FLT1: variants seen among roughly 807,000 people sequenced by gnomAD.
The protein encoded by FLT1 is vascular endothelial growth factor receptor 1.
Under a neutral mutation model 156.3 loss-of-function variants are expected in FLT1, and 49 were observed. The observed-to-expected ratio is 0.31, with a 90% CI of 0.25 to 0.40. The LOEUF (loss-of-function observed/expected upper bound fraction) is 0.40, where lower values mean the gene tolerates loss of function less well. FLT1 is among the 10% of genes least tolerant of loss of function. The probability of loss-of-function intolerance (pLI) is 1.00; values close to 1 mark genes in which losing one functional copy is unlikely to be tolerated. For missense variants in FLT1, 1,322 were observed against 1,637.2 expected (o/e 0.81, Z 3.32); for synonymous variants, 594 against 583.8 (o/e 1.02, Z -0.25).
intron 3 of FLT1, among the ~76,000 whole-genome samples, chr13:28,459,799 T>C (rs777386942): frequency 1.8e-4 from 27 of 152,266 alleles, no homozygotes; most frequent in East Asian, 1.9e-4. Flanking sequence ...AGTGATTCCA[T>C]TGACATATTT....
chr13:28,478,672 G>A (rs1880682297), intron 1 of FLT1, among the ~76,000 whole-genome samples: 1 of 152,206 alleles, frequency 6.6e-6, no homozygotes, highest in African/African-American at 2.4e-5. Context: ...GAGCTGTAAT[G>A]TGATGCTGTT....
At chr13:28,374,920 A>T (rs1873779203) in intron 14 of FLT1, among the ~76,000 whole-genome samples, 1 of 152,056 alleles carries the variant, frequency 6.6e-6, no homozygotes, top group Non-Finnish European at 1.5e-5. Context: ...CACTAAACTT[A>T]AACAACTAGC....
At chr13:28,427,584 C>T (rs2281827) in intron 9 of FLT1, among the ~76,000 whole-genome samples, 168 bp downstream of exon 9, 30,044 of 152,108 alleles carry the variant, frequency 0.2, 3,417 homozygotes, top group South Asian at 0.4. Context: ...TGGAATACAA[C>T]AAACAAACAC....
At chr13:28,405,180 T>A (rs1875708136) in intron 11 of FLT1, among the ~76,000 whole-genome samples, 1 of 152,154 alleles carries the variant, frequency 6.6e-6, no homozygotes, top group Admixed American at 6.5e-5. Context: ...TTGCCAAGCT[T>A]CAGTGGGGGT....
intron 10 of FLT1, among the ~76,000 whole-genome samples, chr13:28,426,179 G>A (rs1877333154): frequency 6.9e-6 from 1 of 144,916 alleles, no homozygotes; most frequent in African/African-American, 2.6e-5. Context: ...CACTCTGCAA[G>A]TGGAGTTAAA....
chr13:28,450,673 T>C (rs933056713), intron 3 of FLT1, among the ~76,000 whole-genome samples: 1 of 152,180 alleles, frequency 6.6e-6, no homozygotes. Flanking sequence ...GTCCTATTAT[T>C]TATTCCCAGC....
At chr13:28,368,658 A>G (rs1873410108) in intron 14 of FLT1, 1 of 991,020 alleles carries the variant, frequency 1.0e-6, no homozygotes, top group South Asian at 1.4e-5. Flanking sequence ...GTTGATGTAT[A>G]CAGTTCTAGG....
chr13:28,354,779 G>T (rs1407140324), intron 15 of FLT1, among the ~76,000 whole-genome samples: 1 of 151,784 alleles, frequency 6.6e-6, no homozygotes, highest in African/African-American at 2.4e-5. Context: ...GCAGTTGGGG[G>T]CAATAATGAA....
At chr13:28,473,219 A>G (rs1483421125) in intron 1 of FLT1, among the ~76,000 whole-genome samples, 1 of 152,200 alleles carries the variant, frequency 6.6e-6, no homozygotes, top group African/African-American at 2.4e-5. Flanking sequence ...TAAACATAAG[A>G]GTTGATCATA....
rs1340672388 is a variant in FLT1 at position 28,300,567 on chromosome 13, A to G, written c.*2600T>C. Reference sequence around the variant, plus strand: ...CACACACACACACACATACAGTTACACCACTGTCGGCCAAAGATGCACTCC... The same window carrying G: ...CACACACACACACACATACAGTTACGCCACTGTCGGCCAAAGATGCACTCC... On this transcript the variant is annotated 3_prime_UTR_variant, in exon 30 of 30. Transcript: ENST00000282397. 5 of 232,294 alleles carry G rather than the reference A, an allele frequency of 2.2e-5. No individual in the cohort carries two copies. In the East Asian group the frequency reaches 3.0e-4, roughly 14 times the overall value. 14.4% of individuals were successfully genotyped at this position (232,294 alleles called of 1,614,324 possible). A position where few individuals can be genotyped will look rare whatever the true frequency, so the allele number is the denominator to read the frequency against.
chr13:28,368,140 G>GTTTA lies in FLT1; in HGVS notation c.2117-10459_2117-10456dup, dbSNP rs535871340. The GTTTA allele has an allele frequency of 2.1e-3, 1,312 of 628,674 alleles. 8 individuals are homozygous for GTTTA. The highest frequency in any genetic ancestry group is 0.018 in the African/African-American group (881 of 50,272). 38.9% of individuals were successfully genotyped at this position (628,674 alleles called of 1,614,324 possible). A position where few individuals can be genotyped will look rare whatever the true frequency, so the allele number is the denominator to read the frequency against. ...ATAGAATAAAAAGTGAATTTTGTCT[G>GTTTA]TTTATTTATTTATTTATTTATTTGT... On this transcript the variant is annotated intron_variant, in intron 14 of 29. Coordinates refer to ENST00000282397, the MANE Select transcript of FLT1 (RefSeq NM_002019.4).
At chr13:28,482,365 G>A (rs1880907233) in intron 1 of FLT1, among the ~76,000 whole-genome samples, 1 of 151,882 alleles carries the variant, frequency 6.6e-6, no homozygotes, top group South Asian at 2.1e-4. Flanking sequence ...TTGAACCCAG[G>A]AGGTGGAGAT....
At chr13:28,404,012 A>G (rs906070255) in intron 11 of FLT1, among the ~76,000 whole-genome samples, 3 of 151,190 alleles carry the variant, frequency 2.0e-5, no homozygotes, top group Non-Finnish European at 4.4e-5. Flanking sequence ...ACTGCACTCC[A>G]GCCTGAGCAA....
At chr13:28,393,200 C>G (rs1169343105) in intron 12 of FLT1, among the ~76,000 whole-genome samples, 1 of 152,150 alleles carries the variant, frequency 6.6e-6, no homozygotes, top group Non-Finnish European at 1.5e-5. Context: ...GAAGAATCAA[C>G]CCTTGCTCAG....
At chr13:28,396,559 T>A (rs1875056951) in intron 12 of FLT1, among the ~76,000 whole-genome samples, 1 of 152,194 alleles carries the variant, frequency 6.6e-6, no homozygotes, top group Admixed American at 6.5e-5. Flanking sequence ...GTAAAAAAAT[T>A]AACCTTTTGG....
At chr13:28,406,882 G>A (rs368714950) in intron 10 of FLT1, among the ~76,000 whole-genome samples, 2 of 152,118 alleles carry the variant, frequency 1.3e-5, no homozygotes, top group Non-Finnish European at 2.9e-5. Context: ...AAAATGAGAG[G>A]CTAAAGTCAG....
In FLT1 at chr13:28,303,315, G is replaced by T. The variant is rs1566275328; in HGVS notation, c.3869C>A (p.Pro1290His). 3.1e-6 allele frequency: 5 copies of T among 1,613,914 alleles called. No individual in the cohort carries two copies. Among genetic ancestry groups the T allele is most frequent in the Non-Finnish European group, 4.2e-6 (5 of 1,179,998 alleles). Residue 1290 changes from proline (P) to histidine (H), a missense_variant, in exon 30 of 30, where the codon CCC (proline) becomes CAC (histidine). Pro to His is a moderately conservative substitution (Grantham distance 77, BLOSUM62 -2). Coordinates refer to ENST00000282397, the MANE Select transcript of FLT1 (RefSeq NM_002019.4). The stretch of plus-strand genomic sequence containing the variant: ...CCCACAGCTGGAATGGCAGAAACTG[G>T]GCCTGCTGACATCAGACAGCCCCGA... ...KESGLSDVSR[P>H]SFCHSSCGHV...
Position 28,433,918 on chromosome 13 carries a change from G to T in FLT1, c.714C>A (p.Arg238=), listed in dbSNP as rs1186400814. Reference sequence around the variant, plus strand: ...TATGGCCTCTAAGTAATTTGACTGGGCGTGGTGTGCTTATTTGGACATCTA... The same window carrying T: ...TATGGCCTCTAAGTAATTTGACTGGTCGTGGTGTGCTTATTTGGACATCTA... The part of the protein sequence containing the change: ...TIIDVQISTP[R]PVKLLRGHTL... Residue 238 remains arginine, a synonymous_variant, in exon 6 of 30, where the codon CGC becomes CGA. Coordinates refer to ENST00000282397, the MANE Select transcript of FLT1 (RefSeq NM_002019.4). 3 of 1,613,972 alleles carry T rather than the reference G, an allele frequency of 1.9e-6. No homozygotes were observed. The highest frequency in any genetic ancestry group is 2.5e-6 in the Non-Finnish European group (3 of 1,179,966).
At chr13:28,382,694 AG>A (rs1318875292) in intron 14 of FLT1, among the ~76,000 whole-genome samples, 1 of 152,202 alleles carries the variant, frequency 6.6e-6, no homozygotes, top group African/African-American at 2.4e-5. Flanking sequence ...AGAAATATTT[AG>A]TATTTAGTAG....
Sources: gnomAD v4.1 joint callset for allele counts (sites outside exome capture counted in the v4.1 genomes callset) on GRCh38, gnomAD v4.1.1 for gene constraint, MANE v1.5 for transcripts, NCBI Gene and HGNC (gene_info 2026-07-23, HGNC 2026-07-21) for gene names.